The following TAF3 variants were observed in gnomAD, a reference collection of about 807,000 sequenced individuals.
TAF3 encodes transcription initiation factor TFIID subunit 3.
Under a neutral mutation model 80.6 loss-of-function variants are expected in TAF3, and 7 were observed. The observed-to-expected ratio is 0.09, with a 90% CI of 0.05 to 0.16. The LOEUF is 0.16. Ranked by LOEUF, TAF3 falls within the 10% of genes least tolerant of loss-of-function variation. The pLI, the probability that TAF3 is intolerant of heterozygous loss-of-function variation, is 1.00. For synonymous variants in TAF3, 444 were observed against 446.1 expected, an observed-to-expected ratio of 1.00 and a Z score of 0.06; for missense variants, 921 against 1,140.2, an observed-to-expected ratio of 0.81 and a Z score of 2.77.
In TAF3 at chr10:7,899,020, T is replaced by G. The variant is rs1437182680; in HGVS notation, c.410-64900T>G. Among the ~76,000 whole-genome samples the G allele has an allele frequency of 2.0e-5, 3 of 152,212 alleles. No individual in the cohort carries two copies. In the East Asian group the frequency reaches 5.8e-4, roughly 29 times the overall value. On this transcript the variant is annotated intron_variant, in intron 2 of 6. Transcript: ENST00000344293. ...AATGTCAGTTCCCATAGGTTTTTTC[T>G]TTTATTCTAGGTGAGATTCCCCCAA...
rs564311134 is a variant in TAF3 at position 7,847,263 on chromosome 10, C to T, written c.409+22703C>T. ...TTTCATATTTGTCAATATGAATTGACATATGTCTAAGAACAAACAAGAAAT... is the reference window on the plus strand; with the variant it reads ...TTTCATATTTGTCAATATGAATTGATATATGTCTAAGAACAAACAAGAAAT... On this transcript the variant is annotated intron_variant, in intron 2 of 6. Transcript: ENST00000344293. Among the ~76,000 whole-genome samples the T allele has an allele frequency of 1.1e-3, 172 of 152,256 alleles. 1 individual carries two copies. Among genetic ancestry groups the T allele is most frequent in the African/African-American group, 4.0e-3 (166 of 41,552 alleles).
intron 3 of TAF3, among the ~76,000 whole-genome samples, chr10:7,968,725 G>A (rs1166323144): frequency 6.6e-6 from 1 of 152,160 alleles, no homozygotes; most frequent in African/African-American, 2.4e-5. Context: ...CACACATCTA[G>A]TAAGTGATTG....
intron 4 of TAF3, among the ~76,000 whole-genome samples, chr10:7,991,886 A>C (rs976555592): frequency 6.6e-6 from 1 of 152,190 alleles, no homozygotes; most frequent in Non-Finnish European, 1.5e-5. Context: ...GTGAGATACA[A>C]ATCTTAATCA....
chr10:7,943,505 C>T (rs532425513), intron 2 of TAF3, among the ~76,000 whole-genome samples: 1 of 152,264 alleles, frequency 6.6e-6, no homozygotes, highest in Admixed American at 6.5e-5. Context: ...TCACACCATG[C>T]TTCATTGTCC....
At chr10:7,903,880 G>A (rs1837582572) in intron 2 of TAF3, among the ~76,000 whole-genome samples, 1 of 151,828 alleles carries the variant, frequency 6.6e-6, no homozygotes, top group East Asian at 1.9e-4. Flanking sequence ...GGGACATAAG[G>A]GACATAAGAC....
At position 8,009,747 on chromosome 10, in the gene TAF3, G is replaced by C. The variant is rs1832036113; in HGVS notation, c.2568+417G>C. Among the ~76,000 whole-genome samples the C allele has an allele frequency of 6.6e-6, 1 of 151,622 alleles. No homozygotes were observed. The highest frequency in any genetic ancestry group is 2.1e-4 in the South Asian group (1 of 4,790). ...AGCGATTCTCCTGCCTCAGCCTCCT[G>C]AGTAGCTGGGATTACAGGCACGTGC... On this transcript the variant is annotated intron_variant, in intron 5 of 6. Transcript: ENST00000344293. The surrounding 1 kb of genome is among the most constrained non-coding windows in gnomAD (Gnocchi z 4.1).
intron 3 of TAF3, 66 bp downstream of exon 3, chr10:7,965,808 G>A: frequency 7.1e-7 from 1 of 1,416,402 alleles, no homozygotes. Flanking sequence ...GGTAAACAAA[G>A]CCCACAATTA....
chr10:7,872,401 G>A (rs895857715), intron 2 of TAF3, among the ~76,000 whole-genome samples: 1 of 151,926 alleles, frequency 6.6e-6, no homozygotes, highest in African/African-American at 2.4e-5. Context: ...GTCTGTGTTC[G>A]TGTATAGCCA....
At chr10:7,864,660 T>G (rs1837191820) in intron 2 of TAF3, among the ~76,000 whole-genome samples, 1 of 152,176 alleles carries the variant, frequency 6.6e-6, no homozygotes, top group Non-Finnish European at 1.5e-5. Flanking sequence ...GTTTGTCTTT[T>G]TATTATTCAG....
Position 7,818,793 on chromosome 10 carries a change from C to T in TAF3, c.84C>T (p.Leu28=). 1 of 1,566,674 alleles carries T rather than the reference C, an allele frequency of 6.4e-7. No individual in the cohort carries two copies. Among genetic ancestry groups the T allele is most frequent in the Non-Finnish European group, 8.6e-7 (1 of 1,167,076 alleles). ...CGCTGGGCTGGGACTCGGTGCAGCT[C>T]AGCGCCTGCCACCTCCTCACGGACG... The part of the protein sequence containing the change: ...CQALGWDSVQ[L]SACHLLTDVL... Residue 28 remains leucine, a synonymous_variant, in exon 1 of 7, where the codon CTC becomes CTT. Transcript: ENST00000344293.
At chr10:7,906,843 G>A (rs1282378895) in intron 2 of TAF3, among the ~76,000 whole-genome samples, 2 of 150,878 alleles carry the variant, frequency 1.3e-5, no homozygotes, top group African/African-American at 2.4e-5. Context: ...TTGGCCTCCC[G>A]AGAAGCTGGG....
intron 2 of TAF3, among the ~76,000 whole-genome samples, chr10:7,867,419 A>G (rs973919902): frequency 3.9e-5 from 6 of 152,230 alleles, no homozygotes; most frequent in African/African-American, 1.4e-4. Context: ...TAGGAAACCT[A>G]GTGTTTAAAT....
chr10:7,856,010 G>A (rs1166606456), intron 2 of TAF3, among the ~76,000 whole-genome samples: 1 of 152,026 alleles, frequency 6.6e-6, no homozygotes, highest in Non-Finnish European at 1.5e-5. Flanking sequence ...TAACCAGGAA[G>A]CAAGAGCAGG....
intron 4 of TAF3, among the ~76,000 whole-genome samples, chr10:7,981,593 A>G (rs1278877976): frequency 6.6e-6 from 1 of 152,180 alleles, no homozygotes; most frequent in African/African-American, 2.4e-5. Flanking sequence ...CTTTTTCAAA[A>G]TATACAAATT....
At chr10:7,857,203 G>T (rs971635959) in intron 2 of TAF3, among the ~76,000 whole-genome samples, 7 of 152,332 alleles carry the variant, frequency 4.6e-5, no homozygotes, top group African/African-American at 1.7e-4. Flanking sequence ...TGCTGAATTG[G>T]ATACTAGTTT....
intron 2 of TAF3, among the ~76,000 whole-genome samples, chr10:7,844,169 CAG>C (rs1262260982): frequency 6.6e-6 from 1 of 152,098 alleles, no homozygotes; most frequent in African/African-American, 2.4e-5. Flanking sequence ...TTACCTAAAA[CAG>C]AATTTCTTTT....
chr10:7,908,975 C>A (rs12218246), intron 2 of TAF3, among the ~76,000 whole-genome samples: 29,945 of 152,208 alleles, frequency 0.2, 3,055 homozygotes, highest in East Asian at 0.3. Context: ...TGCTATGCTG[C>A]TAAGGGCTGG....
chr10:7,896,816 T>C (rs1414616615), intron 2 of TAF3, among the ~76,000 whole-genome samples: 1 of 152,214 alleles, frequency 6.6e-6, no homozygotes, highest in Non-Finnish European at 1.5e-5. Flanking sequence ...GTGGTTCATC[T>C]AGATTCTCTC....
intron 2 of TAF3, among the ~76,000 whole-genome samples, chr10:7,918,697 G>A (rs1299186490): frequency 1.3e-5 from 2 of 152,118 alleles, no homozygotes; most frequent in African/African-American, 2.4e-5. Flanking sequence ...GCTTAGCTAG[G>A]TTTTGGATGT....
Sources: allele counts gnomAD v4.1 joint callset (sites outside exome capture counted in the v4.1 genomes callset), GRCh38; gene constraint gnomAD v4.1.1; non-coding constraint Gnocchi (gnomAD v3.1); transcripts MANE v1.5; gene names NCBI Gene and HGNC (gene_info 2026-07-23, HGNC 2026-07-21).